Variants in TBCK observed in about 807,000 individuals in gnomAD.
TBCK encodes TBC domain-containing protein kinase-like protein.
Under a neutral mutation model 113.4 loss-of-function variants are expected in TBCK, and 99 were observed. The observed-to-expected ratio is 0.87, with a 90% confidence interval of 0.74 to 1.03. The LOEUF (loss-of-function observed/expected upper bound fraction) is 1.03, where lower values mean the gene tolerates loss of function less well. Among genes scored for constraint, TBCK ranks in the 50% least tolerant of loss-of-function variants. The pLI is 0.00. For synonymous variants in TBCK, 369 were observed against 370.8 expected (o/e 1.00, Z 0.05); for missense variants, 1,045 against 1,061.3 (o/e 0.98, Z 0.21).
At chr4:106,285,025 A>G (rs1036326254) in intron 3 of TBCK, among the ~76,000 whole-genome samples, 1 of 152,162 alleles carries the variant, frequency 6.6e-6, no homozygotes, top group African/African-American at 2.4e-5. Context: ...TGACAATTTT[A>G]TATTTTCAAA....
chr4:106,147,891 G>C (rs145020787), intron 23 of TBCK, among the ~76,000 whole-genome samples: 2,722 of 152,298 alleles, frequency 0.018, 26 homozygotes, highest in Middle Eastern at 0.034. Context: ...AAGCAAATGG[G>C]AGAAATATTG....
chr4:106,276,450 A>C (rs1251302064), intron 3 of TBCK, among the ~76,000 whole-genome samples: 2 of 152,198 alleles, frequency 1.3e-5, no homozygotes, highest in Non-Finnish European at 2.9e-5. Flanking sequence ...AGTAGCACAC[A>C]CTTGTAGTCC....
chr4:106,263,619 T>C (rs1427712522), intron 3 of TBCK, among the ~76,000 whole-genome samples: 3 of 151,936 alleles, frequency 2.0e-5, no homozygotes, highest in Admixed American at 2.0e-4. Flanking sequence ...CATTAAACTT[T>C]ACATAAAACA....
chr4:106,138,570 C>T (rs541111276), intron 23 of TBCK, among the ~76,000 whole-genome samples: 1 of 140,966 alleles, frequency 7.1e-6, no homozygotes, highest in East Asian at 2.0e-4. Context: ...ATATTTCATA[C>T]AGTTTAAGTG....
At chr4:106,052,637 T>G (rs915997772) in intron 25 of TBCK, among the ~76,000 whole-genome samples, 37 of 151,886 alleles carry the variant, frequency 2.4e-4, no homozygotes, top group African/African-American at 8.7e-4. Flanking sequence ...AAGGAGATAT[T>G]ATAAATATCT....
At chr4:106,070,580 A>G (rs925444793) in intron 25 of TBCK, among the ~76,000 whole-genome samples, 27 of 152,112 alleles carry the variant, frequency 1.8e-4, no homozygotes, top group African/African-American at 6.5e-4. Context: ...GGTGTTCATC[A>G]TGGATATTGG....
chr4:106,182,110 A>G (rs1396750744), intron 22 of TBCK, among the ~76,000 whole-genome samples: 1 of 151,848 alleles, frequency 6.6e-6, no homozygotes, highest in East Asian at 1.9e-4. Flanking sequence ...ATTCCTAGGT[A>G]TTTTATTCTC....
rs183860001 is a variant in TBCK at position 106,120,103 on chromosome 4, G to A, written c.2236-3725C>T. Among the ~76,000 whole-genome samples, 122 of 152,284 alleles carry A rather than the reference G, an allele frequency of 8.0e-4. No individual in the cohort carries two copies. In the East Asian group the frequency reaches 0.012, roughly 15 times the overall value. The stretch of plus-strand genomic sequence containing the variant: ...CCAGACAGTGGGCGCAGGTAAATGG[G>A]TGCGCGCACCGTGCGCGAGCCGAAG... On this transcript the variant is annotated intron_variant, in intron 23 of 25. Coordinates refer to ENST00000394708, the MANE Select transcript of TBCK (RefSeq NM_001163435.3).
intron 20 of TBCK, among the ~76,000 whole-genome samples, chr4:106,199,762 A>G (rs1754670387): frequency 6.6e-6 from 1 of 152,144 alleles, no homozygotes; most frequent in African/African-American, 2.4e-5. Flanking sequence ...TTCAAAAGAT[A>G]TGCAGCATAT....
intron 24 of TBCK, among the ~76,000 whole-genome samples, chr4:106,104,203 G>A (rs1441548324): frequency 1.3e-5 from 2 of 152,178 alleles, no homozygotes; most frequent in African/African-American, 2.4e-5. Context: ...GAAAGAGGCC[G>A]AATCCAGAAG....
upstream of TBCK, chr4:106,316,562 G>A (rs1768908533): frequency 6.4e-7 from 1 of 1,551,584 alleles, no homozygotes; most frequent in Non-Finnish European, 8.7e-7. Flanking sequence ...TTCCTGCTGT[G>A]GCTGTCTCGG....
chr4:106,258,854 C>A lies in TBCK; in HGVS notation c.455+1583G>T, dbSNP rs1762244584. 2.0e-5 allele frequency among the ~76,000 whole-genome samples: 3 copies of A among 151,788 alleles called. No homozygotes were observed. In the South Asian group the frequency reaches 6.2e-4, roughly 32 times the overall value. ...TCAACTATAAGTTGAATAAAAAACC[C>A]CTTTCATATTCGAAAGGGCTTTTTT... On this transcript the variant is annotated intron_variant, in intron 5 of 25. Coordinates refer to ENST00000394708, the MANE Select transcript of TBCK (RefSeq NM_001163435.3).
At chr4:106,085,568 A>T (rs1739403869) in intron 25 of TBCK, among the ~76,000 whole-genome samples, 1 of 152,214 alleles carries the variant, frequency 6.6e-6, no homozygotes, top group Non-Finnish European at 1.5e-5. Flanking sequence ...CATAAAATTA[A>T]GGATATTCAG....
chr4:106,047,210 T>C (rs1467192661), intron 25 of TBCK, among the ~76,000 whole-genome samples: 2 of 152,128 alleles, frequency 1.3e-5, no homozygotes, highest in African/African-American at 4.8e-5. Flanking sequence ...TGGAATGAAT[T>C]TGAAGGACAG....
At chr4:106,097,874 A>T (rs1741113525) in intron 24 of TBCK, among the ~76,000 whole-genome samples, 1 of 152,138 alleles carries the variant, frequency 6.6e-6, no homozygotes, top group African/African-American at 2.4e-5. Context: ...AGAATAAATA[A>T]ATAAAGAGGA....
rs540152027 is a variant in TBCK at position 106,302,833 on chromosome 4, T to C, written c.193+5935A>G. ...AAAATATCTATTAATTGCTTGGTGA[T>C]GTAAAAAGCTCCAAATGATCCCCGT... is the stretch of plus-strand genomic sequence containing the variant. On this transcript the variant is annotated intron_variant, in intron 2 of 25. Coordinates refer to ENST00000394708, the MANE Select transcript of TBCK (RefSeq NM_001163435.3). Among the ~76,000 whole-genome samples, 244 of 152,308 alleles carry C rather than the reference T, an allele frequency of 1.6e-3. 7 individuals are homozygous for C. The South Asian group carries it at 0.049, about 31-fold the overall frequency.
chr4:106,284,987 G>A (rs757687906), intron 3 of TBCK, among the ~76,000 whole-genome samples: 1 of 151,914 alleles, frequency 6.6e-6, no homozygotes, highest in Non-Finnish European at 1.5e-5. Context: ...CTTTTTTCTT[G>A]AAACCTAATC....
At chr4:106,067,663 A>G (rs1736809719) in intron 25 of TBCK, among the ~76,000 whole-genome samples, 2 of 152,086 alleles carry the variant, frequency 1.3e-5, no homozygotes, top group Admixed American at 6.6e-5. Context: ...TTTGAGTTAA[A>G]TTTTATATAT....
chr4:106,248,343 A>T, intron 8 of TBCK, 37 bp from the exon 9 acceptor site: 2 of 1,372,564 alleles, frequency 1.5e-6, no homozygotes, highest in Non-Finnish European at 2.0e-6. Context: ...AATTAAAATG[A>T]TCAATTTTAG....
Sources: gnomAD v4.1 joint callset for allele counts (sites outside exome capture counted in the v4.1 genomes callset) on GRCh38, gnomAD v4.1.1 for gene constraint, MANE v1.5 for transcripts, NCBI Gene and HGNC (gene_info 2026-07-23, HGNC 2026-07-21) for gene names.